The following FBXL17 variants were observed in gnomAD, a reference collection of about 807,000 sequenced individuals.
FBXL17 encodes F-box/LRR-repeat protein 17.
In FBXL17, 22 loss-of-function variants were observed where a neutral mutation model predicts 66.2. That is an observed-to-expected ratio of 0.33 (90% confidence interval 0.24 to 0.47). FBXL17 has a LOEUF of 0.47. FBXL17 is among the 20% of genes least tolerant of loss of function. The pLI, the probability that FBXL17 is intolerant of heterozygous loss-of-function variation, is 1.00. For synonymous variants in FBXL17, 474 were observed against 400.5 expected (o/e 1.18, Z -2.19); for missense variants, 878 against 948.2 (o/e 0.93, Z 0.97).
chr5:107,987,464 CTGGG>C (rs1192207803), intron 7 of FBXL17, among the ~76,000 whole-genome samples: 1 of 151,926 alleles, frequency 6.6e-6, no homozygotes, highest in Non-Finnish European at 1.5e-5. Flanking sequence ...ACTTGTTGAG[CTGGG>C]TGCTTTTTAT....
chr5:107,916,887 A>G (rs1750150483), intron 7 of FBXL17, among the ~76,000 whole-genome samples: 1 of 152,222 alleles, frequency 6.6e-6, no homozygotes, highest in Non-Finnish European at 1.5e-5. Context: ...AATACTCAGA[A>G]GTAGAAACCG....
At chr5:108,009,339 C>CAT (rs139460194) in intron 7 of FBXL17, among the ~76,000 whole-genome samples, 10,486 of 103,310 alleles carry the variant, frequency 0.1, 1,067 homozygotes, top group East Asian at 0.3. Flanking sequence ...TTTTGTTTTT[C>CAT]ATATATATAT....
chr5:108,195,347 A>C (rs1753637369), intron 5 of FBXL17, among the ~76,000 whole-genome samples: 1 of 152,122 alleles, frequency 6.6e-6, no homozygotes, highest in Non-Finnish European at 1.5e-5. Context: ...ATGAAGGAGC[A>C]AACAAAGCCA....
At chr5:108,190,016 A>C (rs1205904098) in intron 5 of FBXL17, among the ~76,000 whole-genome samples, 1 of 152,158 alleles carries the variant, frequency 6.6e-6, no homozygotes, top group Non-Finnish European at 1.5e-5. Flanking sequence ...CAGCTAAGCT[A>C]TGTCTGTCTG....
intron 6 of FBXL17, among the ~76,000 whole-genome samples, chr5:108,108,781 T>C (rs1164489314): frequency 7.9e-6 from 1 of 127,158 alleles, no homozygotes; most frequent in African/African-American, 3.5e-5. Flanking sequence ...TCACACTTTG[T>C]TTTTGTTTTT....
chr5:108,238,365 C>T (rs1042258701), intron 4 of FBXL17, among the ~76,000 whole-genome samples: 1 of 152,170 alleles, frequency 6.6e-6, no homozygotes, highest in Non-Finnish European at 1.5e-5. Flanking sequence ...AAGTACCTTG[C>T]TATATACAAT....
At chr5:108,109,728 C>G (rs925637171) in intron 6 of FBXL17, among the ~76,000 whole-genome samples, 2 of 152,120 alleles carry the variant, frequency 1.3e-5, no homozygotes, top group Non-Finnish European at 2.9e-5. Flanking sequence ...GATTCCCATA[C>G]TGTACTATGG....
At chr5:108,213,433 C>T (rs530566775) in intron 5 of FBXL17, among the ~76,000 whole-genome samples, 18 of 152,312 alleles carry the variant, frequency 1.2e-4, no homozygotes, top group Admixed American at 5.9e-4. Context: ...GCATAGGCAC[C>T]GCAGGGAATC....
chr5:108,199,746 T>C (rs2150047483), intron 5 of FBXL17, among the ~76,000 whole-genome samples: 1 of 152,252 alleles, frequency 6.6e-6, no homozygotes, highest in East Asian at 1.9e-4. Context: ...TTAAATGTGA[T>C]TTCATGAAAG....
intron 6 of FBXL17, among the ~76,000 whole-genome samples, chr5:108,129,085 C>G (rs1217423585): frequency 6.6e-6 from 1 of 152,088 alleles, no homozygotes; most frequent in Non-Finnish European, 1.5e-5. Context: ...ACTCATTCAA[C>G]AGTCTTGACT....
At chr5:108,272,150 G>A (rs181379576) in intron 4 of FBXL17, among the ~76,000 whole-genome samples, 12 of 152,102 alleles carry the variant, frequency 7.9e-5, no homozygotes, top group East Asian at 2.0e-4. Flanking sequence ...AATTAGCCGC[G>A]TGTTGTGGTG....
intron 6 of FBXL17, among the ~76,000 whole-genome samples, chr5:108,108,196 C>T (rs1749884699): frequency 6.6e-6 from 1 of 152,324 alleles, no homozygotes; most frequent in East Asian, 1.9e-4. Flanking sequence ...CCACCTTCTA[C>T]ATCCATTTAA....
intron 5 of FBXL17, among the ~76,000 whole-genome samples, chr5:108,222,494 G>A (rs1050680524): frequency 6.6e-6 from 1 of 151,988 alleles, no homozygotes; most frequent in Non-Finnish European, 1.5e-5. Context: ...AGAATAACAG[G>A]CCTATCCTCT....
At chr5:107,952,379 AT>A (rs991844681) in intron 7 of FBXL17, among the ~76,000 whole-genome samples, 41 of 152,236 alleles carry the variant, frequency 2.7e-4, no homozygotes, top group African/African-American at 8.7e-4. Flanking sequence ...AACTGAAACT[AT>A]TTCAGTATCA....
intron 6 of FBXL17, among the ~76,000 whole-genome samples, chr5:108,172,040 C>A (rs1752624191): frequency 6.6e-6 from 1 of 152,140 alleles, no homozygotes; most frequent in African/African-American, 2.4e-5. Context: ...ACTGAGAGTC[C>A]AATTAAGCCT....
chr5:107,922,205 A>G (rs1162651244), intron 7 of FBXL17, among the ~76,000 whole-genome samples: 1 of 152,218 alleles, frequency 6.6e-6, no homozygotes, highest in African/African-American at 2.4e-5. Flanking sequence ...AGTCACTAAT[A>G]TGTATGAAAG....
chr5:108,134,993 A>G (rs183953000), intron 6 of FBXL17, among the ~76,000 whole-genome samples: 5 of 152,318 alleles, frequency 3.3e-5, no homozygotes, highest in South Asian at 2.1e-4. Context: ...TTAAATAAAA[A>G]GTATTGCTGT....
At chr5:107,955,168 A>C (rs372606579) in intron 7 of FBXL17, among the ~76,000 whole-genome samples, 2 of 152,102 alleles carry the variant, frequency 1.3e-5, no homozygotes, top group Non-Finnish European at 2.9e-5. Context: ...AAAAATTACA[A>C]GAAATAATAG....
At chr5:108,197,831 A>G (rs73778679) in intron 5 of FBXL17, among the ~76,000 whole-genome samples, 10,387 of 152,166 alleles carry the variant, frequency 0.068, 1,188 homozygotes, top group African/African-American at 0.24. Flanking sequence ...TTCCTGGTTT[A>G]CAGTATGCAA....
Sources: allele counts gnomAD v4.1 joint callset (sites outside exome capture counted in the v4.1 genomes callset), GRCh38; gene constraint gnomAD v4.1.1; transcripts MANE v1.5; gene names NCBI Gene and HGNC (gene_info 2026-07-23, HGNC 2026-07-21).